LITAF: variants seen among roughly 807,000 people sequenced by gnomAD.
The protein encoded by LITAF is lipopolysaccharide induced TNF factor.
LITAF carries 9 observed loss-of-function variants against 14.5 expected under a neutral mutation model. The ratio of observed to expected loss-of-function variants is 0.62; its 90% CI spans 0.37 to 1.08. The LOEUF (loss-of-function observed/expected upper bound fraction) is 1.08, where lower values mean the gene tolerates loss of function less well. LITAF is among the 50% of genes least tolerant of loss of function. LITAF has a pLI of 0.01. For missense variants in LITAF, 206 were observed against 213.4 expected (o/e 0.97, Z 0.22); for synonymous variants, 98 against 88.2 (o/e 1.11, Z -0.62).
rs901626926 is a variant in LITAF at position 11,558,082 on chromosome 16, G to A, written c.-5-1347C>T. On this transcript the variant is annotated intron_variant, in intron 1 of 3. Coordinates refer to ENST00000622633, the MANE Select transcript of LITAF (RefSeq NM_001136472.2). The surrounding 1 kb of genome is among the most constrained non-coding windows in gnomAD (Gnocchi z 4.1). ...CGGGAGAAATGGGAAATGAGGCTCC[G>A]GGGCAGCGAGCCACAACCACCACTC... 5.3e-5 allele frequency among the ~76,000 whole-genome samples: 8 copies of A among 152,088 alleles called. No homozygotes were observed. The highest frequency in any genetic ancestry group is 7.4e-5 in the Non-Finnish European group (5 of 68,010).
intron 1 of LITAF, among the ~76,000 whole-genome samples, chr16:11,564,260 G>C (rs570342052): frequency 6.6e-6 from 1 of 152,130 alleles, no homozygotes; most frequent in African/African-American, 2.4e-5. Context: ...GCAGGGAGAA[G>C]CCACAGTGTC....
At chr16:11,606,100 C>A (rs770808646) in intron 3 of LITAF, among the ~76,000 whole-genome samples, 2 of 152,188 alleles carry the variant, frequency 1.3e-5, no homozygotes, top group Non-Finnish European at 2.9e-5. Flanking sequence ...CTACACCCTA[C>A]TCACCATCTG....
chr16:11,578,051 A>G (rs1163425677), intron 1 of LITAF, among the ~76,000 whole-genome samples: 1 of 151,902 alleles, frequency 6.6e-6, no homozygotes, highest in African/African-American at 2.4e-5. Context: ...GTGCACCACC[A>G]CACTCAGCGA....
chr16:11,637,891 A>C (rs1283584933), upstream of LITAF, among the ~76,000 whole-genome samples: 3 of 98,378 alleles, frequency 3.0e-5, no homozygotes, highest in Non-Finnish European at 6.0e-5. Flanking sequence ...AAAAAAAAAA[A>C]AAAAAACTAT....
At chr16:11,610,452 T>G (rs1364757852) in intron 3 of LITAF, among the ~76,000 whole-genome samples, 1 of 152,104 alleles carries the variant, frequency 6.6e-6, no homozygotes, top group East Asian at 1.9e-4. Flanking sequence ...GCCTGCACGC[T>G]GGGCAGTGGG....
intron 3 of LITAF, among the ~76,000 whole-genome samples, chr16:11,604,442 G>A (rs951739282): frequency 2.0e-5 from 3 of 152,080 alleles, no homozygotes; most frequent in Non-Finnish European, 4.4e-5. Context: ...GAATTTATTT[G>A]CTCATATAGT....
At position 11,548,459 on chromosome 16, in the gene LITAF, C is replaced by T. The variant is rs2064135786; in HGVS notation, c.*1178G>A. The T allele has an allele frequency of 2.2e-6, 1 of 453,980 alleles. No individual in the cohort carries two copies. The highest frequency in any genetic ancestry group is 4.4e-6 in the Non-Finnish European group (1 of 226,776). 28.1% of individuals were successfully genotyped at this position (453,980 alleles called of 1,614,324 possible). On this transcript the variant is annotated 3_prime_UTR_variant, in exon 4 of 4. Coordinates refer to ENST00000622633, the MANE Select transcript of LITAF (RefSeq NM_001136472.2). Reference sequence around the variant, plus strand: ...CCCAGACATGCTCAAAATGTGCTTTCCCTTATCTTTCAAAACCCACCACCA... The same window carrying T: ...CCCAGACATGCTCAAAATGTGCTTTTCCTTATCTTTCAAAACCCACCACCA...
At chr16:11,565,140 T>C (rs1430037014) in intron 1 of LITAF, among the ~76,000 whole-genome samples, 2 of 150,476 alleles carry the variant, frequency 1.3e-5, no homozygotes, top group Non-Finnish European at 2.9e-5. Flanking sequence ...TGGAGTACAG[T>C]GGCACAATCT....
At position 11,556,609 on chromosome 16, in the gene LITAF, G is replaced by C. The variant is rs1376489415; in HGVS notation, c.122C>G (p.Pro41Arg). 1.2e-6 allele frequency: 2 copies of C among 1,614,208 alleles called. No individual in the cohort carries two copies. Among genetic ancestry groups the C allele is most frequent in the Non-Finnish European group, 8.5e-7 (1 of 1,180,042 alleles). Reference protein sequence around the residue: ...SYYPTPPAPMPGPTTGLVTGP... With the variant: ...SYYPTPPAPMRGPTTGLVTGP... Reference sequence around the variant, plus strand: ...CGTCACAAGCCCCGTAGTTGGCCCAGGCATGGGAGCTGGAGGTGTGGGGTA... The same window carrying C: ...CGTCACAAGCCCCGTAGTTGGCCCACGCATGGGAGCTGGAGGTGTGGGGTA... Residue 41 changes from proline (P) to arginine (R), a missense_variant, in exon 2 of 4, where the codon CCT becomes CGT. Coordinates refer to ENST00000622633, the MANE Select transcript of LITAF (RefSeq NM_001136472.2).
At position 11,634,760 on chromosome 16, in the gene LITAF, C is replaced by G. The variant is rs981162305; in HGVS notation, c.-21+1065G>C. The stretch of plus-strand genomic sequence containing the variant: ...TCATAAAACTCTGGTCTCTACCAGG[C>G]ATGGTGGCTCACATCTGTAATCCCA... On this transcript the variant is annotated intron_variant, in intron 2 of 3. Coordinates refer to the LITAF transcript ENST00000574848. This position sits in a 1 kb window ranked among gnomAD's most constrained non-coding sequence, Gnocchi z 4.1. Among the ~76,000 whole-genome samples, 1 of 152,184 alleles carries G rather than the reference C, an allele frequency of 6.6e-6. No individual in the cohort carries two copies. The highest frequency in any genetic ancestry group is 2.4e-5 in the African/African-American group (1 of 41,456).
At chr16:11,617,658 C>G (rs1489139185) in intron 3 of LITAF, among the ~76,000 whole-genome samples, 1 of 151,828 alleles carries the variant, frequency 6.6e-6, no homozygotes, top group Non-Finnish European at 1.5e-5. Flanking sequence ...AACTCCTGAC[C>G]TTGTCATCCG....
At chr16:11,585,562 T>A (rs1240950322) in intron 1 of LITAF, among the ~76,000 whole-genome samples, 2 of 151,990 alleles carry the variant, frequency 1.3e-5, no homozygotes, top group Admixed American at 6.6e-5. Flanking sequence ...AAAACACTGG[T>A]GGAATTCCAG....
At chr16:11,615,011 A>G (rs1290692357) in intron 3 of LITAF, among the ~76,000 whole-genome samples, 1 of 152,154 alleles carries the variant, frequency 6.6e-6, no homozygotes, top group Non-Finnish European at 1.5e-5. Flanking sequence ...CTGCTTCTCC[A>G]GCACCCAGCC....
Position 11,608,610 on chromosome 16 carries a change from G to A in LITAF, c.85+24923C>T, listed in dbSNP as rs532680880. Among the ~76,000 whole-genome samples, 293 of 152,308 alleles carry A rather than the reference G, an allele frequency of 1.9e-3. 2 individuals are homozygous for A. Among genetic ancestry groups the A allele is most frequent in the Middle Eastern group, 3.4e-3 (1 of 294 alleles). On this transcript the variant is annotated intron_variant, in intron 3 of 3. Transcript: ENST00000574848. ...ATGGAAAAGAATAAAGCACTGATAC[G>A]GGCTGCATCGTGGATGAACCTTGGA...
intron 1 of LITAF, among the ~76,000 whole-genome samples, chr16:11,593,513 A>C (rs1364136478): frequency 6.6e-6 from 1 of 152,160 alleles, no homozygotes; most frequent in Non-Finnish European, 1.5e-5. Context: ...ACAAGTACTC[A>C]AGTGAAAACT....
chr16:11,578,869 G>C (rs2064685891), intron 1 of LITAF, among the ~76,000 whole-genome samples: 1 of 152,206 alleles, frequency 6.6e-6, no homozygotes, highest in South Asian at 2.1e-4. Context: ...AACATAGCCA[G>C]GGTGGCTGAG....
At position 11,576,554 on chromosome 16, in the gene LITAF, A is replaced by AAAGACAG. The variant is rs1555469756; in HGVS notation, c.-6+10331_-6+10332insCTGTCTT. ...ATCTGCAAAAAAAAAAAAAAAAAAA[A>AAAGACAG]AGAGAGAGAGAAAGAGAAAAAGAGA... On this transcript the variant is annotated intron_variant, in intron 1 of 3. Transcript: ENST00000622633. 8.1e-3 allele frequency among the ~76,000 whole-genome samples: 944 copies of AAAGACAG among 116,632 alleles called. 26 individuals carry two copies. The highest frequency in any genetic ancestry group is 0.03 in the African/African-American group (911 of 29,924). The allele number at this position is 116,632 out of a possible 152,430, so 76.5% of individuals were successfully genotyped here. A position where few individuals can be genotyped will look rare whatever the true frequency, so the allele number is the denominator to read the frequency against.
In LITAF at chr16:11,549,156, G is replaced by T; in HGVS notation, c.*481C>A. 2.2e-6 allele frequency: 1 copy of T among 454,148 alleles called. No homozygotes were observed. The highest frequency in any genetic ancestry group is 4.4e-6 in the Non-Finnish European group (1 of 226,804). 28.1% of individuals were successfully genotyped at this position (454,148 alleles called of 1,614,324 possible). ...GTAAAGTCTGTAAGGCAAGATCTTT[G>T]TCATCAGGGACGGGAAGAGACGGAT... is the stretch of plus-strand genomic sequence containing the variant. On this transcript the variant is annotated 3_prime_UTR_variant, in exon 4 of 4. Coordinates refer to ENST00000622633, the MANE Select transcript of LITAF (RefSeq NM_001136472.2). This position sits in a 1 kb window ranked among gnomAD's most constrained non-coding sequence, Gnocchi z 4.6.
chr16:11,638,024 C>CTATATATCTA (rs1567271026), upstream of LITAF, among the ~76,000 whole-genome samples: 152 of 72,154 alleles, frequency 2.1e-3, 20 homozygotes, highest in East Asian at 0.03. Flanking sequence ...CTATATATAT[C>CTATATATCTA]TATATATCTA....
Sources: allele counts gnomAD v4.1 joint callset (sites outside exome capture counted in the v4.1 genomes callset), GRCh38; gene constraint gnomAD v4.1.1; non-coding constraint Gnocchi (gnomAD v3.1); transcripts MANE v1.5; gene names NCBI Gene and HGNC (gene_info 2026-07-23, HGNC 2026-07-21).